The following SLC39A8 variants were observed in gnomAD, a reference collection of about 807,000 sequenced individuals.
The protein encoded by SLC39A8 is solute carrier family 39 member 8, also known as metal cation symporter ZIP8.
SLC39A8 carries 15 observed loss-of-function variants against 40.4 expected under a neutral mutation model. The ratio of observed to expected loss-of-function variants is 0.37; its 90% CI spans 0.25 to 0.57. The LOEUF (loss-of-function observed/expected upper bound fraction) is 0.57, where lower values mean the gene tolerates loss of function less well. Among genes scored for constraint, SLC39A8 ranks in the 20% least tolerant of loss-of-function variants. The pLI is 0.75. For missense variants in SLC39A8, 472 were observed against 558.8 expected, an observed-to-expected ratio of 0.84 and a Z score of 1.57; for synonymous variants, 223 against 221.6, an observed-to-expected ratio of 1.01 and a Z score of -0.06.
At chr4:102,289,413 T>A (rs545612212) in intron 6 of SLC39A8, among the ~76,000 whole-genome samples, 7 of 152,244 alleles carry the variant, frequency 4.6e-5, no homozygotes, top group Non-Finnish European at 8.8e-5. Context: ...CAACATAACA[T>A]CCCTCCTGAA....
At chr4:102,296,662 A>G (rs1486239773) in intron 6 of SLC39A8, among the ~76,000 whole-genome samples, 1 of 152,100 alleles carries the variant, frequency 6.6e-6, no homozygotes, top group Non-Finnish European at 1.5e-5. Flanking sequence ...CCTAAGATGC[A>G]AACAATGGCC....
At chr4:102,256,769 G>A (rs1203754479), downstream of SLC39A8, among the ~76,000 whole-genome samples, 1 of 152,148 alleles carries the variant, frequency 6.6e-6, no homozygotes, top group Non-Finnish European at 1.5e-5. Context: ...GACGTTTACT[G>A]CTGATAATCA....
intron 2 of SLC39A8, among the ~76,000 whole-genome samples, chr4:102,320,381 AAT>A (rs1341027581): frequency 2.8e-4 from 23 of 83,610 alleles, no homozygotes; most frequent in South Asian, 2.3e-3. Context: ...TATATATGAG[AAT>A]ATATATATGA....
At chr4:102,256,737 G>A (rs993628742), downstream of SLC39A8, among the ~76,000 whole-genome samples, 1 of 152,150 alleles carries the variant, frequency 6.6e-6, no homozygotes, top group African/African-American at 2.4e-5. Flanking sequence ...AATTCACACA[G>A]TCACCTCCTC....
At chr4:102,315,982 T>A (rs1734639314) in intron 2 of SLC39A8, 152 bp from the exon 3 acceptor site, 2 of 535,872 alleles carry the variant, frequency 3.7e-6, no homozygotes, top group Non-Finnish European at 2.9e-6. Context: ...CCTAAAGTTG[T>A]AAAACAGCCC....
At chr4:102,319,143 T>A (rs1055422965) in intron 2 of SLC39A8, among the ~76,000 whole-genome samples, 1 of 152,206 alleles carries the variant, frequency 6.6e-6, no homozygotes, top group Non-Finnish European at 1.5e-5. Flanking sequence ...CAAATAGTTA[T>A]GTGCATTTTG....
intron 6 of SLC39A8, among the ~76,000 whole-genome samples, chr4:102,303,826 A>G (rs1221870932): frequency 6.6e-6 from 1 of 151,916 alleles, no homozygotes; most frequent in African/African-American, 2.4e-5. Context: ...ATTACCTGGT[A>G]TATGATACGT....
intron 6 of SLC39A8, among the ~76,000 whole-genome samples, chr4:102,300,986 C>A (rs1578590812): frequency 6.6e-6 from 1 of 151,880 alleles, no homozygotes; most frequent in Non-Finnish European, 1.5e-5. Context: ...TGAGACTATA[C>A]CTTCAACCAA....
At chr4:102,271,696 A>T (rs1160770837) in intron 6 of SLC39A8, among the ~76,000 whole-genome samples, 1 of 152,212 alleles carries the variant, frequency 6.6e-6, no homozygotes, top group Non-Finnish European at 1.5e-5. Context: ...TATACAATAT[A>T]TGTCTTCCCT....
At chr4:102,258,087 G>T (rs1363153830), downstream of SLC39A8, among the ~76,000 whole-genome samples, 3 of 150,848 alleles carry the variant, frequency 2.0e-5, no homozygotes, top group Middle Eastern at 6.9e-3. Flanking sequence ...CAGGTTTGTT[G>T]TAAGTAAGTG....
chr4:102,289,568 C>T (rs1378996344), intron 6 of SLC39A8, among the ~76,000 whole-genome samples: 1 of 152,092 alleles, frequency 6.6e-6, no homozygotes, highest in African/African-American at 2.4e-5. Context: ...ATTCATCAAT[C>T]TAGATGCCAT....
At chr4:102,273,924 C>T (rs566512730) in intron 6 of SLC39A8, among the ~76,000 whole-genome samples, 3 of 152,080 alleles carry the variant, frequency 2.0e-5, no homozygotes, top group African/African-American at 7.2e-5. Flanking sequence ...AGAACGGCCA[C>T]TCAAAAACTC....
intron 6 of SLC39A8, among the ~76,000 whole-genome samples, chr4:102,297,372 A>C (rs1476557563): frequency 6.6e-6 from 1 of 152,122 alleles, no homozygotes; most frequent in East Asian, 1.9e-4. Flanking sequence ...GATGGAAATA[A>C]TAATCGTACT....
intron 3 of SLC39A8, among the ~76,000 whole-genome samples, chr4:102,309,943 C>T (rs1734351404): frequency 6.6e-6 from 1 of 152,058 alleles, no homozygotes; most frequent in Non-Finnish European, 1.5e-5. Flanking sequence ...CTCTCACTCC[C>T]TCATCTTATA....
intron 11 of SLC39A8, among the ~76,000 whole-genome samples, chr4:102,254,571 C>T (rs1258286668): frequency 6.6e-6 from 1 of 152,154 alleles, no homozygotes; most frequent in African/African-American, 2.4e-5. Context: ...AGGCATGTGC[C>T]TTAAAAAGCC....
chr4:102,320,509 T>C lies in SLC39A8; in HGVS notation c.220-4679A>G, dbSNP rs1353211846. Reference sequence around the variant, plus strand: ...GAGTATATATATATGAGAATATATATATGAGAGTATATATATATGAGAATA... The same window carrying C: ...GAGTATATATATATGAGAATATATACATGAGAGTATATATATATGAGAATA... On this transcript the variant is annotated intron_variant, in intron 2 of 8. Transcript: ENST00000356736. 6.1e-5 allele frequency among the ~76,000 whole-genome samples: 4 copies of C among 66,114 alleles called. 1 individual carries two copies. Among genetic ancestry groups the C allele is most frequent in the Non-Finnish European group, 8.4e-5 (3 of 35,660 alleles). The allele number at this position is 66,114 out of a possible 152,430, so 43.4% of individuals were successfully genotyped here. A position where few individuals can be genotyped will look rare whatever the true frequency, so the allele number is the denominator to read the frequency against.
intron 6 of SLC39A8, among the ~76,000 whole-genome samples, chr4:102,292,787 T>C (rs1733507866): frequency 6.6e-6 from 1 of 152,066 alleles, no homozygotes; most frequent in African/African-American, 2.4e-5. Context: ...TGTATGGTTG[T>C]ATGGTAGACA....
At chr4:102,330,668 AT>A (rs766862662) in intron 2 of SLC39A8, among the ~76,000 whole-genome samples, 18 of 151,882 alleles carry the variant, frequency 1.2e-4, no homozygotes, top group Non-Finnish European at 2.1e-4. Context: ...TCCCTAACTC[AT>A]TTTACGAGGT....
chr4:102,282,197 CTG>C (rs1732917215), intron 6 of SLC39A8, among the ~76,000 whole-genome samples: 1 of 152,176 alleles, frequency 6.6e-6, no homozygotes, highest in African/African-American at 2.4e-5. Context: ...ATTTTATTTT[CTG>C]TGTTGTTGGT....
Sources: gnomAD v4.1 joint callset for allele counts (sites outside exome capture counted in the v4.1 genomes callset) on GRCh38, gnomAD v4.1.1 for gene constraint, MANE v1.5 for transcripts, NCBI Gene and HGNC (gene_info 2026-07-23, HGNC 2026-07-21) for gene names.